The following WT1 variants were observed in gnomAD, a reference collection of about 807,000 sequenced individuals.
The protein encoded by WT1 is Wilms tumor protein.
WT1 carries 8 observed loss-of-function variants against 60.8 expected under a neutral mutation model. The observed-to-expected ratio is 0.13, with a 90% CI of 0.08 to 0.24. WT1 has a LOEUF of 0.24. WT1 is among the 10% of genes least tolerant of loss of function. WT1 has a pLI of 1.00. For missense variants in WT1, 568 were observed against 711.8 expected, an observed-to-expected ratio of 0.80 and a Z score of 2.30; for synonymous variants, 312 against 297.1, an observed-to-expected ratio of 1.05 and a Z score of -0.52.
chr11:32,435,411 C>T lies in WT1; in HGVS notation c.-51G>A. 3.0e-6 allele frequency: 1 copy of T among 329,910 alleles called. No individual in the cohort carries two copies. Among genetic ancestry groups the T allele is most frequent in the Admixed American group, 5.9e-5 (1 of 17,022 alleles). The allele number at this position is 329,910 out of a possible 1,614,324, so 20.4% of individuals were successfully genotyped here. ...CCGGGCGCCTGGGCTGCCGTCCCGGCTCTGGGTGGGTGGGTGGGTGAATGA... is the reference window on the plus strand; with the variant it reads ...CCGGGCGCCTGGGCTGCCGTCCCGGTTCTGGGTGGGTGGGTGGGTGAATGA... On this transcript the variant is annotated 5_prime_UTR_variant, in exon 1 of 10. Coordinates refer to ENST00000452863, the MANE Select transcript of WT1 (RefSeq NM_024426.6).
rs1448798791 is a variant in WT1 at position 32,415,533 on chromosome 11, A to G, written c.1016+957T>C. ...CGTGGTGGCACATGCCTGTAATCCC[A>G]GCTACTGGGGAGGCTGAGGCAGGAG... On this transcript the variant is annotated intron_variant, in intron 5 of 9. Coordinates refer to ENST00000452863, the MANE Select transcript of WT1 (RefSeq NM_024426.6). 2.0e-5 allele frequency among the ~76,000 whole-genome samples: 3 copies of G among 152,254 alleles called. No homozygotes were observed. In the South Asian group the frequency reaches 6.2e-4, roughly 31 times the overall value.
intron 5 of WT1, among the ~76,000 whole-genome samples, chr11:32,414,399 A>C (rs1852599489): frequency 1.3e-5 from 2 of 152,162 alleles, no homozygotes; most frequent in Admixed American, 6.5e-5. Context: ...CAGCATTCCA[A>C]GTAGCTGGGG....
chr11:32,429,844 C>G (rs1853210857), intron 1 of WT1, among the ~76,000 whole-genome samples: 1 of 152,084 alleles, frequency 6.6e-6, no homozygotes, highest in African/African-American at 2.4e-5. Flanking sequence ...TTCTCCCACT[C>G]TTGCACTATT....
Position 32,427,966 on chromosome 11 carries a change from G to T in WT1, c.877C>A (p.Pro293Thr). 4 of 1,611,098 alleles carry T rather than the reference G, an allele frequency of 2.5e-6. No homozygotes were observed. Among genetic ancestry groups the T allele is most frequent in the Non-Finnish European group, 3.4e-6 (4 of 1,179,074 alleles). ...CCAGCGCCTTCCTACCTGCTGTAGG[G>T]CGTCCTCAGCAGCAAAGCCTGGCTG... The change falls in exon 3 of 10, where the codon CCC (proline) becomes ACC (threonine). Residue 293 changes from proline (P) to threonine (T), a missense_variant. This residue lies in a region of WT1 where 523 missense variants were observed against 565.1 expected (regional missense o/e 0.93). Coordinates refer to ENST00000452863, the MANE Select transcript of WT1 (RefSeq NM_024426.6).
At chr11:32,421,175 C>T (rs925527161) in intron 3 of WT1, among the ~76,000 whole-genome samples, 2 of 152,216 alleles carry the variant, frequency 1.3e-5, no homozygotes, top group Non-Finnish European at 2.9e-5. Context: ...CATGCTCAGG[C>T]TCTGATCTCT....
chr11:32,430,674 C>A, intron 1 of WT1: 1 of 1,446,362 alleles, frequency 6.9e-7, no homozygotes, highest in Non-Finnish European at 9.1e-7. Context: ...GTCCGCACCC[C>A]AGAACTCGGG....
intron 1 of WT1, among the ~76,000 whole-genome samples, chr11:32,432,476 C>T (rs1482050484): frequency 6.6e-6 from 1 of 152,222 alleles, no homozygotes; most frequent in African/African-American, 2.4e-5. Flanking sequence ...GCCCAATGAG[C>T]CTCAAGGGCT....
At position 32,414,869 on chromosome 11, in the gene WT1, T is replaced by C. The variant is rs111624321; in HGVS notation, c.1016+1621A>G. ...GCCTGGGTGACAGAGTGGGACTCCATATCAAAAAAAAAAAAAAAAAGAAAT... is the reference window on the plus strand; with the variant it reads ...GCCTGGGTGACAGAGTGGGACTCCACATCAAAAAAAAAAAAAAAAAGAAAT... On this transcript the variant is annotated intron_variant, in intron 5 of 9. Transcript: ENST00000452863. 6.0e-3 allele frequency among the ~76,000 whole-genome samples: 794 copies of C among 133,028 alleles called. 8 individuals carry two copies. The highest frequency in any genetic ancestry group is 8.5e-3 in the Non-Finnish European group (543 of 64,022). 87.3% of individuals were successfully genotyped at this position (133,028 alleles called of 152,430 possible).
At chr11:32,400,884 G>A (rs370980469) in intron 5 of WT1, among the ~76,000 whole-genome samples, 4 of 152,308 alleles carry the variant, frequency 2.6e-5, no homozygotes, top group South Asian at 2.1e-4. Flanking sequence ...TAGAAGCACC[G>A]AGGAGAGCTC....
intron 5 of WT1, among the ~76,000 whole-genome samples, chr11:32,404,753 C>T (rs994136550): frequency 7.9e-5 from 12 of 152,328 alleles, no homozygotes; most frequent in Middle Eastern, 3.4e-3. Context: ...TGAACTTCCA[C>T]TATTGGACTG....
At position 32,435,054 on chromosome 11, in the gene WT1, C is replaced by G; in HGVS notation, c.307G>C (p.Gly103Arg). 6.8e-7 allele frequency: 1 copy of G among 1,466,444 alleles called. No homozygotes were observed. Among genetic ancestry groups the G allele is most frequent in the Non-Finnish European group, 8.9e-7 (1 of 1,120,420 alleles). The allele number at this position is 1,466,444 out of a possible 1,614,324, so 90.8% of individuals were successfully genotyped here. A position where few individuals can be genotyped will look rare whatever the true frequency, so the allele number is the denominator to read the frequency against. The change falls in exon 1 of 10, where the codon GGC becomes CGC. Residue 103 changes from glycine (G) to arginine (R), a missense_variant. Transcript: ENST00000452863. ...AGCACCGGCGCCCACTGCGCCGCGC[C>G]GCTCACAGGCAGGGCACAGCCGCCG... is the stretch of plus-strand genomic sequence containing the variant.
intron 5 of WT1, among the ~76,000 whole-genome samples, chr11:32,411,731 A>C (rs1450749605): frequency 1.3e-5 from 2 of 152,200 alleles, no homozygotes; most frequent in African/African-American, 4.8e-5. Context: ...GAAGCAAAGG[A>C]AAGAAGCTTC....
intron 1 of WT1, among the ~76,000 whole-genome samples, 192 bp downstream of exon 1, chr11:32,434,508 G>C (rs975604743): frequency 1.3e-5 from 2 of 152,300 alleles, no homozygotes; most frequent in African/African-American, 4.8e-5. Context: ...GGAGGATGTC[G>C]GGGGCCAGTG....
At chr11:32,406,936 CA>C (rs1313171387) in intron 5 of WT1, among the ~76,000 whole-genome samples, 4 of 151,630 alleles carry the variant, frequency 2.6e-5, no homozygotes, top group Middle Eastern at 3.4e-3. Context: ...CCATCTCTAC[CA>C]AAAATACAAA....
chr11:32,434,734 G>C lies in WT1; in HGVS notation c.627C>G (p.Ser209Arg), dbSNP rs761530541. 32 of 1,612,912 alleles carry C rather than the reference G, an allele frequency of 2.0e-5. No homozygotes were observed. The highest frequency in any genetic ancestry group is 2.7e-5 in the Non-Finnish European group (32 of 1,179,970). The change falls in exon 1 of 10, where the codon AGC (serine) becomes AGG (arginine). Residue 209 changes from serine to arginine, a missense_variant. Around this residue, in one of 3 missense-constraint regions of WT1, gnomAD observed 523 missense variants for 565.1 expected, o/e 0.93. Transcript: ENST00000452863. ...GAATAGCGGGCTGGCTCTCGAGGCA[G>C]CTGGGCAGGTAGGGCGCGTTAGGAA...
At chr11:32,411,924 G>A (rs5030227) in intron 5 of WT1, among the ~76,000 whole-genome samples, 1,605 of 152,268 alleles carry the variant, frequency 0.011, 25 homozygotes, top group African/African-American at 0.037. Context: ...AACTTTAAAC[G>A]GTGGAAAATT....
chr11:32,392,069 A>G lies in WT1; in HGVS notation c.1355-5T>C. 6.2e-7 allele frequency: 1 copy of G among 1,613,948 alleles called. No homozygotes were observed. The highest frequency in any genetic ancestry group is 8.5e-7 in the Non-Finnish European group (1 of 1,179,888). ...TACACTGGAATGGTTTCACACCTAAATGGACAGAGAAGGTCTAGCCTCGGC... is the reference window on the plus strand; with the variant it reads ...TACACTGGAATGGTTTCACACCTAAGTGGACAGAGAAGGTCTAGCCTCGGC... On this transcript the variant is annotated splice_polypyrimidine_tract_variant and splice_region_variant and intron_variant, in intron 8 of 9. Transcript: ENST00000452863.
chr11:32,402,938 T>C (rs1203036473), intron 5 of WT1, among the ~76,000 whole-genome samples: 1 of 152,178 alleles, frequency 6.6e-6, no homozygotes, highest in Non-Finnish European at 1.5e-5. Flanking sequence ...GAAATCTGTC[T>C]TGACAGCTAA....
At position 32,417,493 on chromosome 11, in the gene WT1, T is replaced by C. The variant is rs1852712714; in HGVS notation, c.965+84A>G. ...TGCCCTTTCTTCTAAAACTGTACTT[T>C]CTTCATAAGTTCTAAGCACCTTTGA... is the stretch of plus-strand genomic sequence containing the variant. On this transcript the variant is annotated intron_variant, in intron 4 of 9. Transcript: ENST00000452863. 3 of 1,282,414 alleles carry C rather than the reference T, an allele frequency of 2.3e-6. No individual in the cohort carries two copies. In the Admixed American group the frequency reaches 5.2e-5, roughly 22 times the overall value. The allele number at this position is 1,282,414 out of a possible 1,614,324, so 79.4% of individuals were successfully genotyped here. A position where few individuals can be genotyped will look rare whatever the true frequency, so the allele number is the denominator to read the frequency against.
Sources: allele counts gnomAD v4.1 joint callset (sites outside exome capture counted in the v4.1 genomes callset), GRCh38; gene constraint gnomAD v4.1.1; regional missense constraint gnomAD v4.1.1; transcripts MANE v1.5; gene names NCBI Gene and HGNC (gene_info 2026-07-23, HGNC 2026-07-21).